EYA4: variants seen among roughly 807,000 people sequenced by gnomAD.
The protein encoded by EYA4 is protein phosphatase EYA4.
A neutral mutation model predicts 87.9 loss-of-function variants in EYA4; 31 were observed. The observed-to-expected ratio is 0.35, with a 90% CI of 0.27 to 0.48. EYA4 has a LOEUF of 0.48. Ranked by LOEUF, EYA4 falls within the 20% of genes least tolerant of loss-of-function variation. The probability of loss-of-function intolerance (pLI) is 0.99; values close to 1 mark genes in which losing one functional copy is unlikely to be tolerated. For synonymous variants in EYA4, 263 were observed against 270.6 expected, an observed-to-expected ratio of 0.97 and a Z score of 0.28; for missense variants, 678 against 761.4, an observed-to-expected ratio of 0.89 and a Z score of 1.29.
At chr6:133,274,077 A>C (rs1393078006) in intron 1 of EYA4, among the ~76,000 whole-genome samples, 1 of 152,144 alleles carries the variant, frequency 6.6e-6, no homozygotes, top group Non-Finnish European at 1.5e-5. Flanking sequence ...AATTCATTTG[A>C]AAATATTTTA....
chr6:133,530,014 T>C lies in EYA4; in HGVS notation c.*1209T>C, dbSNP rs75704251. The C allele has an allele frequency of 4.4e-5, 43 of 985,192 alleles. No individual in the cohort carries two copies. Among genetic ancestry groups the C allele is most frequent in the Non-Finnish European group, 5.1e-5 (42 of 829,726 alleles). The allele number at this position is 985,192 out of a possible 1,614,324, so 61.0% of individuals were successfully genotyped here. A position where few individuals can be genotyped will look rare whatever the true frequency, so the allele number is the denominator to read the frequency against. ...ACAGGGCTTAAAATAAAGCTAAGTATGTTTATTCCCAATGCCATGGCAAAA... is the reference window on the plus strand; with the variant it reads ...ACAGGGCTTAAAATAAAGCTAAGTACGTTTATTCCCAATGCCATGGCAAAA... On this transcript the variant is annotated 3_prime_UTR_variant, in exon 20 of 20. Transcript: ENST00000355286.
chr6:133,383,489 G>A (rs1427081838), intron 3 of EYA4, among the ~76,000 whole-genome samples: 2 of 116,498 alleles, frequency 1.7e-5, no homozygotes, highest in East Asian at 6.1e-4. Flanking sequence ...TTGCACTCCA[G>A]CCTGGGCGAC....
At chr6:133,271,944 T>C (rs1214803003) in intron 1 of EYA4, among the ~76,000 whole-genome samples, 1 of 152,214 alleles carries the variant, frequency 6.6e-6, no homozygotes. Flanking sequence ...TATTCACATA[T>C]CTTTTCCCCA....
chr6:133,469,864 G>T (rs1172583677), intron 11 of EYA4, among the ~76,000 whole-genome samples: 1 of 151,910 alleles, frequency 6.6e-6, no homozygotes, highest in South Asian at 2.1e-4. Context: ...AAATTGTAAA[G>T]AACTTTTGCT....
intron 13 of EYA4, among the ~76,000 whole-genome samples, chr6:133,499,235 C>A (rs957707365): frequency 2.0e-5 from 3 of 152,150 alleles, no homozygotes; most frequent in Non-Finnish European, 4.4e-5. Flanking sequence ...GGCATTTCCT[C>A]CTATAGCCAT....
At chr6:133,524,869 C>G in intron 18 of EYA4, 1 of 763,652 alleles carries the variant, frequency 1.3e-6, no homozygotes, top group South Asian at 1.4e-5. Context: ...TAACGCCTTA[C>G]CTTATTCAAA....
At chr6:133,333,852 A>C (rs979430818) in intron 2 of EYA4, among the ~76,000 whole-genome samples, 2 of 152,212 alleles carry the variant, frequency 1.3e-5, no homozygotes, top group Non-Finnish European at 1.5e-5. Context: ...GAATGTTACT[A>C]CTATGTAAAG....
At chr6:133,420,357 A>G (rs953649058) in intron 3 of EYA4, among the ~76,000 whole-genome samples, 2 of 152,316 alleles carry the variant, frequency 1.3e-5, no homozygotes, top group African/African-American at 2.4e-5. Context: ...GATTTTTGCC[A>G]TTACTACAAA....
chr6:133,482,029 T>C (rs1270918425), intron 12 of EYA4, among the ~76,000 whole-genome samples: 1 of 152,174 alleles, frequency 6.6e-6, no homozygotes, highest in Non-Finnish European at 1.5e-5. Context: ...CTTCTAAAAA[T>C]AGGACAAGTT....
intron 3 of EYA4, among the ~76,000 whole-genome samples, chr6:133,410,644 A>G (rs539634263): frequency 7.1e-5 from 6 of 84,206 alleles, no homozygotes; most frequent in Non-Finnish European, 2.5e-4. Flanking sequence ...AATTCCTTCT[A>G]TCAATCATGT....
In EYA4 at chr6:133,268,271, T is replaced by G. The variant is rs3777798; in HGVS notation, c.-65-6445T>G. Reference sequence around the variant, plus strand: ...TACTAAAGATATTTTCCATAATCTGTTGTATCCTTTTACTTTTGGGGCTGT... The same window carrying G: ...TACTAAAGATATTTTCCATAATCTGGTGTATCCTTTTACTTTTGGGGCTGT... On this transcript the variant is annotated intron_variant, in intron 1 of 19. Transcript: ENST00000355286. Among the ~76,000 whole-genome samples the G allele has an allele frequency of 4.5e-4, 68 of 152,354 alleles. No individual in the cohort carries two copies. In the East Asian group the frequency reaches 0.013, roughly 28 times the overall value.
At chr6:133,429,764 C>G (rs1791017596) in intron 3 of EYA4, among the ~76,000 whole-genome samples, 1 of 152,128 alleles carries the variant, frequency 6.6e-6, no homozygotes, top group African/African-American at 2.4e-5. Context: ...CTTGTCAAGT[C>G]TCTTTGACTT....
At chr6:133,339,628 C>G (rs960734977) in intron 2 of EYA4, among the ~76,000 whole-genome samples, 11 of 152,100 alleles carry the variant, frequency 7.2e-5, no homozygotes, top group Admixed American at 5.2e-4. Flanking sequence ...TCTTGGCTGC[C>G]TAATGAAACA....
chr6:133,444,025 TG>T lies in EYA4; in HGVS notation c.84-2604del, dbSNP rs576234357. Among the ~76,000 whole-genome samples, 347 of 152,344 alleles carry T rather than the reference TG, an allele frequency of 2.3e-3. 3 individuals carry two copies. Among genetic ancestry groups the T allele is most frequent in the African/African-American group, 8.1e-3 (335 of 41,596 alleles). ...TTATTGGGTATTAGTGTCCTGGAAC[TG>T]TCAATTAGGTCACATTGGTGATAAC... On this transcript the variant is annotated intron_variant, in intron 3 of 19. Transcript: ENST00000355286.
intron 2 of EYA4, among the ~76,000 whole-genome samples, chr6:133,322,319 A>G (rs1781155212): frequency 6.6e-6 from 1 of 152,232 alleles, no homozygotes; most frequent in South Asian, 2.1e-4. Flanking sequence ...TTGTGCTATA[A>G]AAGGACTATC....
At chr6:133,445,870 G>A (rs200034295) in intron 3 of EYA4, among the ~76,000 whole-genome samples, 8 of 152,158 alleles carry the variant, frequency 5.3e-5, no homozygotes, top group East Asian at 1.9e-4. Context: ...GTGAGCCACC[G>A]CGCCCGGCCT....
intron 3 of EYA4, among the ~76,000 whole-genome samples, chr6:133,423,415 G>A (rs954511600): frequency 6.6e-6 from 1 of 152,064 alleles, no homozygotes; most frequent in African/African-American, 2.4e-5. Flanking sequence ...CAACAGCAGT[G>A]AGAGAATTAC....
At chr6:133,363,474 A>C (rs1784607165) in intron 2 of EYA4, 1 of 109,690 alleles carries the variant, frequency 9.1e-6, no homozygotes, top group East Asian at 3.1e-4. Context: ...GAGACCTTGT[A>C]ACTCTTTTTT....
At chr6:133,327,407 C>T (rs1430548985) in intron 2 of EYA4, among the ~76,000 whole-genome samples, 2 of 152,136 alleles carry the variant, frequency 1.3e-5, no homozygotes, top group East Asian at 3.9e-4. Flanking sequence ...GCTGGGATTA[C>T]AGGTGTGAGC....
Sources: allele counts gnomAD v4.1 joint callset (sites outside exome capture counted in the v4.1 genomes callset), GRCh38; gene constraint gnomAD v4.1.1; transcripts MANE v1.5; gene names NCBI Gene and HGNC (gene_info 2026-07-23, HGNC 2026-07-21).